The following TUSC3 variants were observed in gnomAD, a reference collection of about 807,000 sequenced individuals.
TUSC3 encodes the protein tumor suppressor candidate 3.
TUSC3 carries 45 observed loss-of-function variants against 44.8 expected under a neutral mutation model. That is an observed-to-expected ratio of 1.00 (90% CI 0.79 to 1.29). TUSC3 has a LOEUF of 1.29. Ranked by LOEUF, TUSC3 falls within the 50% of genes most tolerant of loss-of-function variation. The pLI, the probability that TUSC3 is intolerant of heterozygous loss-of-function variation, is 0.00. For missense variants in TUSC3, 519 were observed against 437.9 expected, an observed-to-expected ratio of 1.19 and a Z score of -1.65; for synonymous variants, 212 against 152.9, an observed-to-expected ratio of 1.39 and a Z score of -2.85.
chr8:15,590,703 G>A (rs1803793724), intron 1 of TUSC3, among the ~76,000 whole-genome samples: 1 of 151,756 alleles, frequency 6.6e-6, no homozygotes, highest in Non-Finnish European at 1.5e-5. Flanking sequence ...ACAGGGTTTT[G>A]CTCTGTTGCC....
chr8:15,418,164 C>A (rs1174137733), intron 1 of TUSC3, among the ~76,000 whole-genome samples: 1 of 152,150 alleles, frequency 6.6e-6, no homozygotes, highest in African/African-American at 2.4e-5. Context: ...TGAGCACCTA[C>A]TATGTAATTC....
intron 2 of TUSC3, among the ~76,000 whole-genome samples, chr8:15,488,050 TTATC>T: frequency 6.6e-6 from 1 of 152,234 alleles, no homozygotes; most frequent in Non-Finnish European, 1.5e-5. Flanking sequence ...ATCAGTTTCA[TTATC>T]TATAAAATGA....
the TUSC3 span, among the ~76,000 whole-genome samples, chr8:15,808,356 C>A: frequency 6.6e-6 from 1 of 152,202 alleles, no homozygotes; most frequent in African/African-American, 2.4e-5. Context: ...CTCTCCAGAG[C>A]ACTAGGAGAT....
At chr8:15,561,076 C>T (rs1170626849) in intron 1 of TUSC3, among the ~76,000 whole-genome samples, 7 of 127,930 alleles carry the variant, frequency 5.5e-5, no homozygotes, top group East Asian at 5.1e-4. Context: ...GGAGGAGAGG[C>T]GCTCTGCGTT....
At chr8:15,830,993 G>C in the TUSC3 span, among the ~76,000 whole-genome samples, 1 of 104,274 alleles carries the variant, frequency 9.6e-6, no homozygotes, top group East Asian at 3.1e-4. Flanking sequence ...GTGCAAGCAA[G>C]GATGGATTCC....
chr8:15,653,870 T>A (rs1051370908), intron 3 of TUSC3, among the ~76,000 whole-genome samples: 5 of 152,164 alleles, frequency 3.3e-5, no homozygotes, highest in Non-Finnish European at 7.3e-5. Context: ...TGTCTGAAGA[T>A]AATATTAATA....
At chr8:15,582,544 A>C (rs549144416) in intron 1 of TUSC3, among the ~76,000 whole-genome samples, 1 of 152,356 alleles carries the variant, frequency 6.6e-6, no homozygotes, top group South Asian at 2.1e-4. Context: ...AAGCTCAAAG[A>C]GACTAAACAT....
intron 2 of TUSC3, among the ~76,000 whole-genome samples, chr8:15,636,202 C>T (rs568250765): frequency 3.3e-5 from 5 of 152,204 alleles, no homozygotes; most frequent in Admixed American, 2.6e-4. Context: ...TAAGCACAAT[C>T]GGATTTCAAC....
At chr8:15,738,837 T>TCTTTCTTTC (rs796196956) in intron 7 of TUSC3, among the ~76,000 whole-genome samples, 3 of 116,714 alleles carry the variant, frequency 2.6e-5, no homozygotes, top group Non-Finnish European at 3.6e-5. Context: ...CTTTTTTTTT[T>TCTTTCTTTC]TTTTTTTTTT....
the TUSC3 span, among the ~76,000 whole-genome samples, chr8:15,820,241 G>C: frequency 1.3e-5 from 2 of 151,258 alleles, no homozygotes; most frequent in Non-Finnish European, 2.9e-5. Flanking sequence ...TATATTGTTG[G>C]ATTCAACTTG....
At chr8:15,605,711 T>C (rs1804491812) in intron 1 of TUSC3, among the ~76,000 whole-genome samples, 1 of 151,942 alleles carries the variant, frequency 6.6e-6, no homozygotes, top group Non-Finnish European at 1.5e-5. Flanking sequence ...AAATCTATTA[T>C]AAAAAGGTCA....
At chr8:15,828,285 G>A in the TUSC3 span, among the ~76,000 whole-genome samples, 13 of 152,196 alleles carry the variant, frequency 8.5e-5, no homozygotes, top group East Asian at 3.9e-4. Context: ...ATGAGCCACC[G>A]CACCCAGCCA....
the TUSC3 span, among the ~76,000 whole-genome samples, chr8:15,798,111 T>C: frequency 2.6e-5 from 4 of 152,200 alleles, no homozygotes; most frequent in African/African-American, 9.6e-5. Flanking sequence ...TACATGTGGC[T>C]CTTCTCAGTC....
intron 2 of TUSC3, among the ~76,000 whole-genome samples, chr8:15,521,714 A>G (rs768510904): frequency 2.6e-5 from 4 of 152,188 alleles, no homozygotes; most frequent in African/African-American, 9.6e-5. Context: ...CTGGTTACAC[A>G]AGCTTTCATT....
At chr8:15,820,804 G>C in the TUSC3 span, among the ~76,000 whole-genome samples, 1 of 152,234 alleles carries the variant, frequency 6.6e-6, no homozygotes, top group South Asian at 2.1e-4. Flanking sequence ...AAAGGCTTTA[G>C]ATAACAAATT....
At chr8:15,573,311 G>A (rs913056270) in intron 1 of TUSC3, among the ~76,000 whole-genome samples, 1 of 150,082 alleles carries the variant, frequency 6.7e-6, no homozygotes, top group Non-Finnish European at 1.5e-5. Context: ...GGGAGTCAGA[G>A]CTGCCTTCCA....
chr8:15,677,911 AAC>A (rs1262496348), intron 6 of TUSC3, among the ~76,000 whole-genome samples: 2 of 152,220 alleles, frequency 1.3e-5, no homozygotes, highest in Non-Finnish European at 2.9e-5. Flanking sequence ...AAAAGTTGAA[AAC>A]ACACGTGTCT....
chr8:15,440,028 A>C (rs1241172029), intron 1 of TUSC3, among the ~76,000 whole-genome samples: 1 of 152,110 alleles, frequency 6.6e-6, no homozygotes, highest in African/African-American at 2.4e-5. Flanking sequence ...CCTGGCCCCT[A>C]CTCTCATGGC....
At chr8:15,467,440 A>T (rs1044252648) in intron 1 of TUSC3, among the ~76,000 whole-genome samples, 2 of 152,198 alleles carry the variant, frequency 1.3e-5, no homozygotes, top group Non-Finnish European at 2.9e-5. Context: ...TAAATTATAC[A>T]TACTGCCTTA....
Sources: allele counts gnomAD v4.1 joint callset (sites outside exome capture counted in the v4.1 genomes callset), GRCh38; gene constraint gnomAD v4.1.1; transcripts MANE v1.5; gene names NCBI Gene and HGNC (gene_info 2026-07-23, HGNC 2026-07-21).